Variants in TTC27 observed in about 807,000 individuals in gnomAD.
The protein encoded by TTC27 is tetratricopeptide repeat protein 27.
TTC27 carries 79 observed loss-of-function variants against 115.9 expected under a neutral mutation model. The ratio of observed to expected loss-of-function variants is 0.68; its 90% CI spans 0.57 to 0.82. The LOEUF (loss-of-function observed/expected upper bound fraction) is 0.82. Ranked by LOEUF, TTC27 falls within the 40% of genes least tolerant of loss-of-function variation. The pLI is 0.00. For synonymous variants in TTC27, 401 were observed against 356.0 expected, an observed-to-expected ratio of 1.13 and a Z score of -1.42; for missense variants, 1,054 against 993.1, an observed-to-expected ratio of 1.06 and a Z score of -0.82.
intron 6 of TTC27, among the ~76,000 whole-genome samples, chr2:32,665,820 G>A (rs1442350829): frequency 6.6e-6 from 1 of 152,192 alleles, no homozygotes; most frequent in Non-Finnish European, 1.5e-5. Context: ...GAACCAGGGA[G>A]TCGGAGGTTG....
At chr2:32,698,168 G>T (rs576725119) in intron 9 of TTC27, among the ~76,000 whole-genome samples, 3 of 152,212 alleles carry the variant, frequency 2.0e-5, no homozygotes, top group Non-Finnish European at 2.9e-5. Context: ...GTCTCACTCT[G>T]TTCAGCCCAG....
intron 4 of TTC27, among the ~76,000 whole-genome samples, chr2:32,640,965 G>C (rs1664624725): frequency 6.6e-6 from 1 of 152,032 alleles, no homozygotes; most frequent in Non-Finnish European, 1.5e-5. Flanking sequence ...CTGGGCAAGA[G>C]AACAAGACTG....
At chr2:32,774,460 C>A (rs1338957350) in intron 13 of TTC27, among the ~76,000 whole-genome samples, 2 of 152,260 alleles carry the variant, frequency 1.3e-5, no homozygotes. Context: ...CAGGCATGGA[C>A]CACCTTCCTT....
chr2:32,666,567 T>C, intron 6 of TTC27, 68 bp from the exon 7 acceptor site: 1 of 1,484,996 alleles, frequency 6.7e-7, no homozygotes, highest in South Asian at 1.4e-5. Flanking sequence ...TCTGAAAATA[T>C]TACTCTTCAT....
intron 9 of TTC27, among the ~76,000 whole-genome samples, chr2:32,686,656 C>T (rs908363622): frequency 1.1e-4 from 16 of 151,702 alleles, no homozygotes; most frequent in African/African-American, 2.2e-4. Context: ...CCACCACGCC[C>T]GGCTGCTTCT....
intron 5 of TTC27, among the ~76,000 whole-genome samples, chr2:32,659,197 T>G (rs187901829): frequency 6.6e-6 from 1 of 152,266 alleles, no homozygotes; most frequent in African/African-American, 2.4e-5. Context: ...AACTCCTGGC[T>G]TCAAGCAATC....
Position 32,812,514 on chromosome 2 carries a change from G to A in TTC27, c.2207G>A (p.Cys736Tyr). 6.2e-7 allele frequency: 1 copy of A among 1,612,444 alleles called. No homozygotes were observed. The highest frequency in any genetic ancestry group is 1.1e-5 in the South Asian group (1 of 90,914). Residue 736 changes from cysteine to tyrosine, a missense_variant, in exon 18 of 20, where the codon TGC becomes TAC. By Grantham distance (194) the Cys-to-Tyr change is radical. Transcript: ENST00000317907. ...KPDENEKAFQ[C>Y]LSKAYKCDTQ... Reference sequence around the variant, plus strand: ...TTTCTCCTTCCTCAGGCATTCCAGTGCCTCTCAAAGGCATACAAGTGTGAC... The same window carrying A: ...TTTCTCCTTCCTCAGGCATTCCAGTACCTCTCAAAGGCATACAAGTGTGAC...
At chr2:32,688,184 A>G (rs1666697714) in intron 9 of TTC27, among the ~76,000 whole-genome samples, 1 of 152,194 alleles carries the variant, frequency 6.6e-6, no homozygotes, top group South Asian at 2.1e-4. Flanking sequence ...CGTATGTAGA[A>G]AAACTCCAGA....
intron 5 of TTC27, among the ~76,000 whole-genome samples, chr2:32,653,593 CAA>C (rs762255156): frequency 2.1e-5 from 2 of 94,260 alleles, no homozygotes; most frequent in Non-Finnish European, 4.5e-5. Context: ...GACTCCATCT[CAA>C]AAAAAAAAAA....
intron 9 of TTC27, among the ~76,000 whole-genome samples, chr2:32,694,028 G>C (rs930563083): frequency 8.5e-5 from 13 of 152,194 alleles, no homozygotes; most frequent in African/African-American, 2.9e-4. Flanking sequence ...CACCGTTGTA[G>C]AGGCTTTTGC....
intron 10 of TTC27, among the ~76,000 whole-genome samples, chr2:32,718,572 A>AGG (rs1404597452): frequency 7.2e-5 from 11 of 152,184 alleles, no homozygotes; most frequent in African/African-American, 2.6e-4. Context: ...GACCTGTCTT[A>AGG]TATGTTCCTC....
intron 16 of TTC27, among the ~76,000 whole-genome samples, chr2:32,792,004 A>G (rs1208375088): frequency 6.6e-6 from 1 of 152,250 alleles, no homozygotes. Flanking sequence ...GTTCTCTTAC[A>G]TGCATTTCCA....
rs1670055194 is a variant in TTC27 at position 32,777,992 on chromosome 2, T to A, written c.1779+12T>A. On this transcript the variant is annotated intron_variant, in intron 14 of 19. Coordinates refer to ENST00000317907, the MANE Select transcript of TTC27 (RefSeq NM_017735.5). ...CTCTAGAACCCGATGTAAGTTTGTT[T>A]GATCTTCTGTCCTTACGTGGCTCTT... The A allele has an allele frequency of 6.2e-7, 1 of 1,613,554 alleles. No homozygotes were observed. The highest frequency in any genetic ancestry group is 1.7e-5 in the Admixed American group (1 of 60,002).
chr2:32,688,573 T>C (rs1481005471), intron 9 of TTC27, among the ~76,000 whole-genome samples: 2 of 152,086 alleles, frequency 1.3e-5, no homozygotes, highest in African/African-American at 2.4e-5. Flanking sequence ...AACTCAATAG[T>C]AGAAACCAAC....
chr2:32,790,231 G>A (rs943950018), intron 16 of TTC27, among the ~76,000 whole-genome samples: 1 of 150,834 alleles, frequency 6.6e-6, no homozygotes, highest in Non-Finnish European at 1.5e-5. Flanking sequence ...TCCTGTACCT[G>A]TTTTTTTCTA....
intron 7 of TTC27, among the ~76,000 whole-genome samples, chr2:32,668,552 C>CCTT: frequency 2.9e-5 from 1 of 34,262 alleles, no homozygotes; most frequent in Non-Finnish European, 4.9e-5. Context: ...CTCCCTCCCT[C>CCTT]CCTCCCTCCC....
At chr2:32,647,119 A>G (rs1664895077) in intron 4 of TTC27, among the ~76,000 whole-genome samples, 2 of 151,724 alleles carry the variant, frequency 1.3e-5, no homozygotes, top group African/African-American at 4.8e-5. Flanking sequence ...TACCTAAAAA[A>G]CAATTTTTGT....
At chr2:32,811,848 T>G (rs1671326217) in intron 17 of TTC27, among the ~76,000 whole-genome samples, 1 of 152,176 alleles carries the variant, frequency 6.6e-6, no homozygotes, top group Non-Finnish European at 1.5e-5. Context: ...ACAAATCAAA[T>G]GTACTCCTTG....
At chr2:32,727,974 A>G (rs534246131) in intron 10 of TTC27, among the ~76,000 whole-genome samples, 4 of 152,050 alleles carry the variant, frequency 2.6e-5, no homozygotes, top group African/African-American at 9.6e-5. Context: ...TGCTCACCCA[A>G]AGTGTGACTG....
Sources: gnomAD v4.1 joint callset for allele counts (sites outside exome capture counted in the v4.1 genomes callset) on GRCh38, gnomAD v4.1.1 for gene constraint, MANE v1.5 for transcripts, NCBI Gene and HGNC (gene_info 2026-07-23, HGNC 2026-07-21) for gene names.